The following ARHGAP6 variants were observed in gnomAD, a reference collection of about 807,000 sequenced individuals.
ARHGAP6 encodes the protein rho GTPase-activating protein 6.
A neutral mutation model predicts 55.7 loss-of-function variants in ARHGAP6; 16 were observed. The ratio of observed to expected loss-of-function variants is 0.29; its 90% CI spans 0.19 to 0.44. The LOEUF (loss-of-function observed/expected upper bound fraction) is 0.44, where lower values mean the gene tolerates loss of function less well. Ranked by LOEUF, ARHGAP6 falls within the 20% of genes least tolerant of loss-of-function variation. The pLI, the probability that ARHGAP6 is intolerant of heterozygous loss-of-function variation, is 1.00. For missense variants in ARHGAP6, 698 were observed against 808.9 expected, an observed-to-expected ratio of 0.86 and a Z score of 1.66; for synonymous variants, 382 against 360.9, an observed-to-expected ratio of 1.06 and a Z score of -0.66.
intron 1 of ARHGAP6, among the ~76,000 whole-genome samples, chrX:11,465,682 C>T (rs2050285649): frequency 8.9e-6 from 1 of 111,857 alleles, no homozygotes; most frequent in Admixed American, 9.5e-5. Context: ...TCCAAACGTA[C>T]TTAAAACTTT....
At chrX:11,557,113 A>C (rs2051326951) in intron 1 of ARHGAP6, among the ~76,000 whole-genome samples, 2 of 112,551 alleles carry the variant, frequency 1.8e-5, no homozygotes, top group African/African-American at 6.5e-5. Flanking sequence ...GAGAGGAAGA[A>C]GAAAAAGGAG....
At position 11,516,795 on chromosome X, in the gene ARHGAP6, T is replaced by C. The variant is rs756671585; in HGVS notation, c.588+147446A>G. ...AATGGTAAAGATATGATTATGCAAA[T>C]ATTTTTCCAAATCTAAAGGCTGTGC... is the stretch of plus-strand genomic sequence containing the variant. On this transcript the variant is annotated intron_variant, in intron 1 of 12. Transcript: ENST00000337414. 3.6e-5 allele frequency among the ~76,000 whole-genome samples: 4 copies of C among 111,855 alleles called. No homozygotes were observed. In the East Asian group the frequency reaches 8.4e-4, roughly 23 times the overall value.
chrX:11,379,971 G>T (rs987186976), intron 1 of ARHGAP6, among the ~76,000 whole-genome samples: 1 of 111,287 alleles, frequency 9.0e-6, no homozygotes, highest in African/African-American at 3.3e-5. Context: ...TATAATGTAT[G>T]CCCCACAAAA....
chrX:11,299,553 T>C lies in ARHGAP6; in HGVS notation c.589-44846A>G, dbSNP rs1250511407. ...TCTGTACTGGGGTTCTATAGATGAT[T>C]AAGCTTTTAGCAAGAAGTTACTGCA... On this transcript the variant is annotated intron_variant, in intron 1 of 12. Coordinates refer to ENST00000337414, the MANE Select transcript of ARHGAP6 (RefSeq NM_013427.3). 6.2e-5 allele frequency among the ~76,000 whole-genome samples: 7 copies of C among 112,451 alleles called. No individual in the cohort carries two copies. The East Asian group carries it at 1.4e-3, about 22-fold the overall frequency.
chrX:11,565,883 A>G (rs759973411), intron 1 of ARHGAP6, among the ~76,000 whole-genome samples: 1 of 111,897 alleles, frequency 8.9e-6, no homozygotes, highest in South Asian at 3.7e-4. Flanking sequence ...AGCAGATAAC[A>G]AGCAAAGGTT....
chrX:11,331,931 C>T (rs1260584849), intron 1 of ARHGAP6, among the ~76,000 whole-genome samples: 1 of 111,847 alleles, frequency 8.9e-6, no homozygotes, highest in African/African-American at 3.3e-5. Flanking sequence ...ACTGGCTATG[C>T]TTACTTTAAA....
intron 1 of ARHGAP6, among the ~76,000 whole-genome samples, chrX:11,460,394 C>A (rs1356630204): frequency 9.0e-6 from 1 of 111,390 alleles, no homozygotes; most frequent in African/African-American, 3.3e-5. Flanking sequence ...GAGACAGCAG[C>A]CCTGGCTGAT....
chrX:11,295,603 G>A (rs2048072100), intron 1 of ARHGAP6, among the ~76,000 whole-genome samples: 1 of 111,003 alleles, frequency 9.0e-6, no homozygotes, highest in Non-Finnish European at 1.9e-5. Context: ...AAGCCAGCAA[G>A]CTTGCACCCT....
At chrX:11,489,029 TA>T (rs1451141615) in intron 1 of ARHGAP6, among the ~76,000 whole-genome samples, 1 of 112,140 alleles carries the variant, frequency 8.9e-6, no homozygotes, top group Non-Finnish European at 1.9e-5. Context: ...TTATGTAGAG[TA>T]AGACATAACT....
intron 2 of ARHGAP6, among the ~76,000 whole-genome samples, chrX:11,211,342 C>A (rs753502479): frequency 9.4e-6 from 1 of 106,654 alleles, no homozygotes; most frequent in South Asian, 4.2e-4. Flanking sequence ...CTGCCTCAGC[C>A]TCCCGAGTAG....
intron 1 of ARHGAP6, among the ~76,000 whole-genome samples, chrX:11,267,870 T>G (rs1366216643): frequency 8.9e-6 from 1 of 112,392 alleles, no homozygotes; most frequent in African/African-American, 3.2e-5. Context: ...GAATCCTTTT[T>G]AAGATTTAAA....
At chrX:11,204,856 C>T (rs779929930) in intron 2 of ARHGAP6, among the ~76,000 whole-genome samples, 2 of 112,048 alleles carry the variant, frequency 1.8e-5, no homozygotes, top group African/African-American at 6.5e-5. Flanking sequence ...CTCACATCTC[C>T]ATCTCCATGG....
intron 1 of ARHGAP6, among the ~76,000 whole-genome samples, chrX:11,573,968 C>T (rs2051564076): frequency 1.8e-5 from 2 of 111,658 alleles, no homozygotes; most frequent in South Asian, 7.5e-4. Flanking sequence ...GGAGTTCACT[C>T]ATGATTTGGC....
chrX:11,200,984 C>T (rs757785835), intron 2 of ARHGAP6, among the ~76,000 whole-genome samples: 2 of 111,841 alleles, frequency 1.8e-5, no homozygotes, highest in Non-Finnish European at 3.8e-5. Context: ...GGGACTCTTC[C>T]GGGGTGCTGA....
At chrX:11,461,467 G>GCTA (rs2050244082) in intron 1 of ARHGAP6, among the ~76,000 whole-genome samples, 1 of 111,799 alleles carries the variant, frequency 8.9e-6, no homozygotes, top group Non-Finnish European at 1.9e-5. Flanking sequence ...GCCACACAAA[G>GCTA]GGGGGAGCTA....
chrX:11,516,662 A>G (rs1245641918), intron 1 of ARHGAP6, among the ~76,000 whole-genome samples: 1 of 112,373 alleles, frequency 8.9e-6, no homozygotes, highest in Non-Finnish European at 1.9e-5. Flanking sequence ...TTGCAGATGA[A>G]AAAACTGAGG....
At chrX:11,363,387 G>C (rs1436624057) in intron 1 of ARHGAP6, among the ~76,000 whole-genome samples, 1 of 112,360 alleles carries the variant, frequency 8.9e-6, no homozygotes, top group Non-Finnish European at 1.9e-5. Flanking sequence ...CACATGCTGA[G>C]TAACTGGATG....
intron 1 of ARHGAP6, among the ~76,000 whole-genome samples, chrX:11,543,297 T>C (rs1430090437): frequency 8.8e-6 from 1 of 112,997 alleles, no homozygotes; most frequent in African/African-American, 3.2e-5. Flanking sequence ...CTAACAATTA[T>C]TTTGCTTTAG....
intron 1 of ARHGAP6, among the ~76,000 whole-genome samples, chrX:11,305,673 T>C (rs1181056542): frequency 8.9e-6 from 1 of 112,013 alleles, no homozygotes; most frequent in Non-Finnish European, 1.9e-5. Context: ...TCAATTAGTC[T>C]GGGATAAGTT....
Sources: allele counts gnomAD v4.1 joint callset (sites outside exome capture counted in the v4.1 genomes callset), GRCh38; gene constraint gnomAD v4.1.1; transcripts MANE v1.5; gene names NCBI Gene and HGNC (gene_info 2026-07-23, HGNC 2026-07-21).